TGM6: variants seen among roughly 807,000 people sequenced by gnomAD.
TGM6 encodes the protein transglutaminase 6.
In TGM6, 74 loss-of-function variants were observed where a neutral mutation model predicts 77.5. That is an observed-to-expected ratio of 0.96 (90% confidence interval 0.79 to 1.16). The LOEUF is 1.16. TGM6 is among the 50% of genes most tolerant of loss of function. TGM6 has a pLI of 0.00. For missense variants in TGM6, 968 were observed against 940.2 expected, an observed-to-expected ratio of 1.03 and a Z score of -0.39; for synonymous variants, 383 against 378.9, an observed-to-expected ratio of 1.01 and a Z score of -0.12.
rs756232145 is a variant in TGM6, at chr20:2,396,455, C to A, written c.425-51C>A. On this transcript the variant is annotated intron_variant, in intron 3 of 12. Coordinates refer to ENST00000202625, the MANE Select transcript of TGM6 (RefSeq NM_198994.3). ...TCCCTGATGCAGCCCCTTCCCCAGGCCAGCAAGGCCAGAGCCCCAGTCCAC... is the reference window on the plus strand; with the variant it reads ...TCCCTGATGCAGCCCCTTCCCCAGGACAGCAAGGCCAGAGCCCCAGTCCAC... 3 of 1,578,366 alleles carry A rather than the reference C, an allele frequency of 1.9e-6. No homozygotes were observed. In the East Asian group the frequency reaches 6.7e-5, roughly 35 times the overall value.
chr20:2,421,312 C>T (rs2084855185), intron 10 of TGM6, among the ~76,000 whole-genome samples: 1 of 152,180 alleles, frequency 6.6e-6, no homozygotes, highest in Non-Finnish European at 1.5e-5. Flanking sequence ...AGATAAATAC[C>T]AAGGAGCACA....
At chr20:2,407,605 C>T (rs1599955925) in intron 9 of TGM6, among the ~76,000 whole-genome samples, 1 of 152,320 alleles carries the variant, frequency 6.6e-6, no homozygotes, top group African/African-American at 2.4e-5. Context: ...CAGAGCGAGA[C>T]TCTGTCTCAA....
intron 8 of TGM6, 24 bp downstream of exon 8, chr20:2,403,524 G>C (rs755125540): frequency 3.1e-6 from 5 of 1,614,048 alleles, no homozygotes; most frequent in Non-Finnish European, 4.2e-6. Context: ...GGTGGGGTAA[G>C]TTCCAGACCC....
chr20:2,415,461 G>C (rs2122404189), intron 9 of TGM6, among the ~76,000 whole-genome samples: 1 of 152,322 alleles, frequency 6.6e-6, no homozygotes, highest in East Asian at 1.9e-4. Context: ...TCAGTGCCTT[G>C]CTTGTGGGCC....
At chr20:2,395,531 A>G in intron 3 of TGM6, 95 bp downstream of exon 3, 1 of 1,605,352 alleles carries the variant, frequency 6.2e-7, no homozygotes, top group Non-Finnish European at 8.5e-7. Context: ...GGGTTAAAGG[A>G]CAAGAAGCTG....
intron 1 of TGM6, among the ~76,000 whole-genome samples, chr20:2,381,382 C>T (rs2422755): frequency 0.73 from 111,283 of 151,640 alleles, 41,165 homozygotes; most frequent in African/African-American, 0.76. Context: ...GAGGCCCCCA[C>T]CGGCTGCATC....
intron 10 of TGM6, among the ~76,000 whole-genome samples, chr20:2,425,735 A>AT (rs1190700836): frequency 4.6e-5 from 7 of 152,214 alleles, no homozygotes; most frequent in Non-Finnish European, 8.8e-5. Flanking sequence ...TAATTGATAT[A>AT]TATTAGTAAT....
At chr20:2,383,868 G>A (rs753830978) in intron 1 of TGM6, among the ~76,000 whole-genome samples, 5 of 152,076 alleles carry the variant, frequency 3.3e-5, no homozygotes, top group Non-Finnish European at 5.9e-5. Flanking sequence ...AGCACTTTGC[G>A]AGGCCAAGGT....
chr20:2,425,170 A>G (rs771919706), intron 10 of TGM6, among the ~76,000 whole-genome samples: 1 of 152,082 alleles, frequency 6.6e-6, no homozygotes, highest in Non-Finnish European at 1.5e-5. Context: ...GCAATACCCC[A>G]TCTCTACAAA....
rs387907098 is a variant in TGM6, at chr20:2,400,435, A to T, written c.980A>T (p.Asp327Val). The change falls in exon 7 of 13, where the codon GAC (aspartate) becomes GTC (valine). Residue 327 changes from aspartate (D) to valine (V), a missense_variant. By Grantham distance (152) the Asp-to-Val change is radical. Coordinates refer to ENST00000202625, the MANE Select transcript of TGM6 (RefSeq NM_198994.3). The part of the protein sequence containing the change: ...FGRTLEDLTE[D>V]SMWNFHVWNE... ...CGGACCCTGGAGGACCTGACAGAAGACAGCATGTGGTGGGTCCTGCCCCCA... is the reference window on the plus strand; with the variant it reads ...CGGACCCTGGAGGACCTGACAGAAGTCAGCATGTGGTGGGTCCTGCCCCCA... 2 of 1,614,048 alleles carry T rather than the reference A, an allele frequency of 1.2e-6. No individual in the cohort carries two copies. Among genetic ancestry groups the T allele is most frequent in the African/African-American group, 1.3e-5 (1 of 74,926 alleles).
At chr20:2,417,723 C>T (rs1340559284) in intron 10 of TGM6, 150 bp downstream of exon 10, 6 of 912,544 alleles carry the variant, frequency 6.6e-6, no homozygotes, top group Non-Finnish European at 8.5e-6. Context: ...TGCCTCTTGT[C>T]CCGACTTTAC....
At chr20:2,431,200 T>A (rs1339966860) in intron 12 of TGM6, among the ~76,000 whole-genome samples, 173 bp downstream of exon 12, 2 of 151,964 alleles carry the variant, frequency 1.3e-5, no homozygotes, top group African/African-American at 4.8e-5. Context: ...ATTCATCCAA[T>A]CATTCATTTA....
At chr20:2,398,115 C>A (rs1367462808) in intron 5 of TGM6, 69 bp downstream of exon 5, 33 of 1,612,112 alleles carry the variant, frequency 2.0e-5, no homozygotes, top group Non-Finnish European at 2.5e-5. Context: ...GGGGCCACAA[C>A]CTGTGATTCT....
At chr20:2,428,177 G>A (rs757118108) in intron 10 of TGM6, among the ~76,000 whole-genome samples, 3 of 152,236 alleles carry the variant, frequency 2.0e-5, no homozygotes, top group African/African-American at 2.4e-5. Context: ...TGAGTGCTCC[G>A]TGTAAGATTG....
chr20:2,392,993 A>G (rs529757307), intron 1 of TGM6, among the ~76,000 whole-genome samples: 2 of 152,294 alleles, frequency 1.3e-5, no homozygotes, highest in South Asian at 2.1e-4. Context: ...ATAACCATTG[A>G]GCCATACAGT....
chr20:2,400,286 C>T lies in TGM6; in HGVS notation c.851-20C>T, dbSNP rs112924357. On this transcript the variant is annotated intron_variant, in intron 6 of 12. Transcript: ENST00000202625. ...TCAGGGGCCAGGGTCCCGCCTGCTC[C>T]GAGCCTCTCTGCTCTGCAGTCCTCA... is the stretch of plus-strand genomic sequence containing the variant. 74 of 1,613,840 alleles carry T rather than the reference C, an allele frequency of 4.6e-5. No individual in the cohort carries two copies. Among genetic ancestry groups the T allele is most frequent in the African/African-American group, 6.7e-5 (5 of 74,916 alleles).
In TGM6 at chr20:2,394,300, A is replaced by G. The variant is rs1189977587; in HGVS notation, c.8-152A>G. 4.1e-6 allele frequency: 4 copies of G among 975,188 alleles called. No individual in the cohort carries two copies. In the East Asian group the frequency reaches 1.0e-4, roughly 25 times the overall value. 60.4% of individuals were successfully genotyped at this position (975,188 alleles called of 1,614,324 possible). A position where few individuals can be genotyped will look rare whatever the true frequency, so the allele number is the denominator to read the frequency against. ...TAGAGTGAGACCCTGTCTCAAAACA[A>G]ACAAACAAACAAACAAACAGAGAAT... On this transcript the variant is annotated intron_variant, in intron 1 of 12. Transcript: ENST00000202625.
At chr20:2,399,834 C>A in intron 6 of TGM6, 96 bp downstream of exon 6, 1 of 1,088,176 alleles carries the variant, frequency 9.2e-7, no homozygotes, top group Non-Finnish European at 1.3e-6. Flanking sequence ...AACCCATCTT[C>A]ATTGATGGAT....
intron 1 of TGM6, among the ~76,000 whole-genome samples, chr20:2,391,928 C>G (rs1274997128): frequency 6.6e-6 from 1 of 152,220 alleles, no homozygotes; most frequent in African/African-American, 2.4e-5. Flanking sequence ...CCTCCTGTCT[C>G]TCTGCCTAGC....
Sources: allele counts gnomAD v4.1 joint callset (sites outside exome capture counted in the v4.1 genomes callset), GRCh38; gene constraint gnomAD v4.1.1; transcripts MANE v1.5; gene names NCBI Gene and HGNC (gene_info 2026-07-23, HGNC 2026-07-21).